Variants in KIAA1217 observed in about 807,000 individuals in gnomAD.
KIAA1217 encodes KIAA1217, also known as sickle tail protein homolog.
Under a neutral mutation model 163.9 loss-of-function variants are expected in KIAA1217, and 88 were observed. The observed-to-expected ratio is 0.54, with a 90% CI of 0.45 to 0.64. The LOEUF is 0.64. Among genes scored for constraint, KIAA1217 ranks in the 30% least tolerant of loss-of-function variants. The pLI is 0.00. For missense variants in KIAA1217, 2,372 were observed against 2,475.0 expected, an observed-to-expected ratio of 0.96 and a Z score of 0.88; for synonymous variants, 903 against 923.1, an observed-to-expected ratio of 0.98 and a Z score of 0.39.
intron 1 of KIAA1217, among the ~76,000 whole-genome samples, chr10:23,761,162 A>C (rs1834246186): frequency 6.6e-6 from 1 of 152,174 alleles, no homozygotes; most frequent in Non-Finnish European, 1.5e-5. Flanking sequence ...GTTACTCAGG[A>C]GGCTGAGGTG....
Position 24,041,861 on chromosome 10 carries a change from A to T in KIAA1217, c.-171+34487A>T, listed in dbSNP as rs1044207052. 2.0e-5 allele frequency among the ~76,000 whole-genome samples: 3 copies of T among 152,192 alleles called. No individual in the cohort carries two copies. The East Asian group carries it at 5.8e-4, about 29-fold the overall frequency. On this transcript the variant is annotated intron_variant, in intron 2 of 18. Transcript: ENST00000376462. ...CATCTGGCTCATTTTTATGTATTGT[A>T]CCTGAGTGGGTGGGATAATATTTAC...
At chr10:24,245,139 G>A (rs576194413) in intron 2 of KIAA1217, among the ~76,000 whole-genome samples, 15 of 152,168 alleles carry the variant, frequency 9.9e-5, no homozygotes, top group African/African-American at 3.4e-4. Context: ...GTCTAACTTC[G>A]CACCCCCTAT....
At chr10:24,445,092 G>A (rs2060814539) in intron 5 of KIAA1217, among the ~76,000 whole-genome samples, 1 of 152,186 alleles carries the variant, frequency 6.6e-6, no homozygotes, top group African/African-American at 2.4e-5. Context: ...AGAGTAGGCA[G>A]TGTGTTAAGT....
At chr10:23,959,332 C>G (rs1438362034) in intron 1 of KIAA1217, among the ~76,000 whole-genome samples, 1 of 151,888 alleles carries the variant, frequency 6.6e-6, no homozygotes, top group African/African-American at 2.4e-5. Flanking sequence ...GAGTTCGAGA[C>G]CAGCCTGGGC....
chr10:24,011,149 A>T (rs2131490507), intron 2 of KIAA1217, among the ~76,000 whole-genome samples: 1 of 152,232 alleles, frequency 6.6e-6, no homozygotes, highest in South Asian at 2.1e-4. Flanking sequence ...GAGTAGCATT[A>T]CCTATGGAAC....
chr10:24,125,056 G>A (rs571273538), intron 2 of KIAA1217, among the ~76,000 whole-genome samples: 1 of 152,146 alleles, frequency 6.6e-6, no homozygotes, highest in South Asian at 2.1e-4. Flanking sequence ...GGCGGATCAC[G>A]AGGTCAGGAG....
chr10:24,506,701 A>C (rs967231176), intron 9 of KIAA1217, among the ~76,000 whole-genome samples: 1 of 152,160 alleles, frequency 6.6e-6, no homozygotes, highest in Non-Finnish European at 1.5e-5. Flanking sequence ...GGGGGAAAAA[A>C]CCTACAGTTG....
At chr10:24,064,198 G>A (rs2060845517) in intron 2 of KIAA1217, among the ~76,000 whole-genome samples, 2 of 152,202 alleles carry the variant, frequency 1.3e-5, no homozygotes, top group Admixed American at 1.3e-4. Context: ...AGTGGTGAGA[G>A]AGGGCATCCC....
intron 1 of KIAA1217, among the ~76,000 whole-genome samples, chr10:23,873,403 T>G (rs1325291954): frequency 6.6e-6 from 1 of 152,062 alleles, no homozygotes; most frequent in Non-Finnish European, 1.5e-5. Flanking sequence ...AATGAATTTA[T>G]GTGGACTACC....
At chr10:24,211,388 T>TTTTA (rs1564835656) in intron 1 of KIAA1217, among the ~76,000 whole-genome samples, 1 of 114,050 alleles carries the variant, frequency 8.8e-6, no homozygotes, top group African/African-American at 3.5e-5. Flanking sequence ...TTTTTTTTTT[T>TTTTA]TTAGAGAGGG....
chr10:24,148,987 G>C (rs188539450), intron 2 of KIAA1217, among the ~76,000 whole-genome samples: 75 of 152,188 alleles, frequency 4.9e-4, no homozygotes, highest in African/African-American at 1.7e-3. Context: ...CAACAGATAA[G>C]CTCATTCTGT....
rs186307412 is a variant in KIAA1217 at position 23,951,765 on chromosome 10, C to T, written c.-320-55460C>T. ...TTCCTTGTGCTTGTGTGTCAAATCCCCTCCGCAAGTGGCAATAGCATTTTC... is the reference window on the plus strand; with the variant it reads ...TTCCTTGTGCTTGTGTGTCAAATCCTCTCCGCAAGTGGCAATAGCATTTTC... On this transcript the variant is annotated intron_variant, in intron 1 of 18. Transcript: ENST00000376462. Among the ~76,000 whole-genome samples, 12 of 152,292 alleles carry T rather than the reference C, an allele frequency of 7.9e-5. 1 individual carries two copies. The East Asian group carries it at 2.1e-3, about 27-fold the overall frequency.
intron 4 of KIAA1217, among the ~76,000 whole-genome samples, chr10:24,435,701 A>G (rs2059963154): frequency 6.6e-6 from 1 of 152,224 alleles, no homozygotes; most frequent in African/African-American, 2.4e-5. Context: ...GTCGAGAAGT[A>G]GTCACAAAAT....
intron 1 of KIAA1217, among the ~76,000 whole-genome samples, chr10:23,861,853 C>G (rs2131136698): frequency 6.6e-6 from 1 of 152,304 alleles, no homozygotes; most frequent in East Asian, 1.9e-4. Flanking sequence ...GGATTTCCTC[C>G]TTGTGAGCCT....
At position 24,543,914 on chromosome 10, in the gene KIAA1217, C is replaced by A; in HGVS notation, c.4644C>A (p.His1548Gln). The A allele has an allele frequency of 6.2e-7, 1 of 1,614,014 alleles. No homozygotes were observed. Among genetic ancestry groups the A allele is most frequent in the Non-Finnish European group, 8.5e-7 (1 of 1,180,000 alleles). Residue 1548 changes from histidine to glutamine, a missense_variant, in exon 19 of 21, where the codon CAC (histidine) becomes CAA (glutamine). His to Gln is a conservative substitution (Grantham distance 24). Around this residue, in one of 3 missense-constraint regions of KIAA1217, gnomAD observed 690 missense variants for 677.5 expected, o/e 1.02. Transcript: ENST00000376454. The stretch of plus-strand genomic sequence containing the variant: ...GAACGGAGCTGAACAAGTTCAGCCA[C>A]GTGGATTCTCCAAATTCGGAATGCA... The part of the protein sequence containing the change: ...MNRTELNKFS[H>Q]VDSPNSECKG...
intron 3 of KIAA1217, among the ~76,000 whole-genome samples, chr10:24,409,042 A>T (rs1443923541): frequency 6.6e-6 from 1 of 152,220 alleles, no homozygotes. Flanking sequence ...ACTGGCGTGG[A>T]TGATACAGTA....
chr10:23,796,231 C>T (rs967453902), intron 1 of KIAA1217, among the ~76,000 whole-genome samples: 1 of 152,168 alleles, frequency 6.6e-6, no homozygotes, highest in African/African-American at 2.4e-5. Context: ...AGAGTCTTGA[C>T]CCTGACCCTC....
chr10:24,335,764 C>T (rs535270093), intron 2 of KIAA1217, among the ~76,000 whole-genome samples: 20 of 151,870 alleles, frequency 1.3e-4, no homozygotes, highest in Middle Eastern at 3.4e-3. Context: ...CATGTGCCAC[C>T]ACACCCAGCC....
At chr10:23,785,812 G>GA (rs1564417756) in intron 1 of KIAA1217, among the ~76,000 whole-genome samples, 1 of 152,076 alleles carries the variant, frequency 6.6e-6, no homozygotes, top group Non-Finnish European at 1.5e-5. Context: ...AGGAAGTAAG[G>GA]AAGGAAAAGG....
Sources: allele counts gnomAD v4.1 joint callset (sites outside exome capture counted in the v4.1 genomes callset), GRCh38; gene constraint gnomAD v4.1.1; regional missense constraint gnomAD v4.1.1; transcripts MANE v1.5; gene names NCBI Gene and HGNC (gene_info 2026-07-23, HGNC 2026-07-21).